AMOTL1: variants seen among roughly 807,000 people sequenced by gnomAD.
AMOTL1 encodes the protein angiomotin-like protein 1.
Under a neutral mutation model 102.9 loss-of-function variants are expected in AMOTL1, and 45 were observed. The ratio of observed to expected loss-of-function variants is 0.44; its 90% CI spans 0.34 to 0.56. AMOTL1 has a LOEUF of 0.56. Among genes scored for constraint, AMOTL1 ranks in the 20% least tolerant of loss-of-function variants. The pLI is 0.01. For synonymous variants in AMOTL1, 481 were observed against 484.7 expected (o/e 0.99, Z 0.10); for missense variants, 1,114 against 1,225.6 (o/e 0.91, Z 1.36).
intron 4 of AMOTL1, among the ~76,000 whole-genome samples, chr11:94,823,261 C>G (rs1951900817): frequency 6.6e-6 from 1 of 152,176 alleles, no homozygotes. Flanking sequence ...GTCTGGAGCT[C>G]CCTGGAGTCA....
chr11:94,730,729 C>T (rs1950335917), intron 2 of AMOTL1, among the ~76,000 whole-genome samples: 1 of 152,184 alleles, frequency 6.6e-6, no homozygotes, highest in Non-Finnish European at 1.5e-5. Flanking sequence ...AATATCTCTG[C>T]CTTCATTGAA....
chr11:94,864,756 C>T lies in AMOTL1; in HGVS notation c.2157C>T (p.His719=). The T allele has an allele frequency of 1.2e-6, 2 of 1,613,774 alleles. No homozygotes were observed. The highest frequency in any genetic ancestry group is 2.2e-5 in the East Asian group (1 of 44,882). The change falls in exon 10 of 13, where the codon CAC becomes CAT. Residue 719 remains histidine, a synonymous_variant. Coordinates refer to ENST00000433060, the MANE Select transcript of AMOTL1 (RefSeq NM_130847.3). ...CCAGGGACACCACGATCATCAACCA[C>T]TCACGGAATGGCAGCTACGGAGAGA... ...AAERDTTIIN[H]SRNGSYGESS...
chr11:94,794,927 A>G, intron 1 of AMOTL1, 84 bp from the exon 2 acceptor site: 1 of 1,422,598 alleles, frequency 7.0e-7, no homozygotes, highest in Non-Finnish European at 9.4e-7. Flanking sequence ...CTGTGGGAGA[A>G]TGCCTGGTGG....
chr11:94,746,961 A>G (rs1046875324), intron 3 of AMOTL1, among the ~76,000 whole-genome samples: 18 of 151,978 alleles, frequency 1.2e-4, no homozygotes, highest in African/African-American at 4.3e-4. Context: ...GAGACACTTT[A>G]TCTTTTCAGT....
At chr11:94,744,882 A>G (rs1950572243) in intron 3 of AMOTL1, among the ~76,000 whole-genome samples, 1 of 152,196 alleles carries the variant, frequency 6.6e-6, no homozygotes, top group Non-Finnish European at 1.5e-5. Context: ...GTTAGCTATT[A>G]TATCTATGAT....
At chr11:94,802,699 G>T (rs148924042) in intron 3 of AMOTL1, among the ~76,000 whole-genome samples, 70 of 152,336 alleles carry the variant, frequency 4.6e-4, no homozygotes, top group African/African-American at 1.6e-3. Context: ...GGGTCCCAGA[G>T]CCACAAGGCC....
intron 2 of AMOTL1, among the ~76,000 whole-genome samples, chr11:94,796,145 A>G (rs1951360949): frequency 6.6e-6 from 1 of 152,206 alleles, no homozygotes; most frequent in East Asian, 1.9e-4. Context: ...TTTATATCTC[A>G]GTTACAATAT....
chr11:94,865,325 T>C (rs1952858418), intron 10 of AMOTL1, among the ~76,000 whole-genome samples: 1 of 152,134 alleles, frequency 6.6e-6, no homozygotes, highest in Admixed American at 6.5e-5. Context: ...TTTGACATAA[T>C]AAAACTAGCC....
At chr11:94,775,281 C>T (rs1033481825) in intron 1 of AMOTL1, among the ~76,000 whole-genome samples, 2 of 152,132 alleles carry the variant, frequency 1.3e-5, no homozygotes, top group African/African-American at 2.4e-5. Flanking sequence ...TGGACATACT[C>T]AGGGACATCA....
intron 3 of AMOTL1, among the ~76,000 whole-genome samples, chr11:94,746,016 A>G (rs1950585760): frequency 6.6e-6 from 1 of 152,178 alleles, no homozygotes; most frequent in Admixed American, 6.5e-5. Flanking sequence ...TTGCCTCATG[A>G]TTGATAGTCC....
At chr11:94,795,843 A>T (rs755899210) in intron 2 of AMOTL1, among the ~76,000 whole-genome samples, 308 of 152,338 alleles carry the variant, frequency 2.0e-3, no homozygotes, top group Middle Eastern at 3.4e-3. Context: ...AAAATGTTTT[A>T]AAATTTTTTT....
chr11:94,826,981 A>C (rs1333954643), intron 4 of AMOTL1, among the ~76,000 whole-genome samples: 1 of 152,190 alleles, frequency 6.6e-6, no homozygotes, highest in East Asian at 1.9e-4. Flanking sequence ...AGGGATCCTG[A>C]AGTTTCCTTT....
Position 94,821,521 on chromosome 11 carries a change from G to T in AMOTL1, c.1122-9G>T, listed in dbSNP as rs781360055. On this transcript the variant is annotated splice_polypyrimidine_tract_variant and intron_variant, in intron 3 of 12. Transcript: ENST00000433060. ...CAGGCTCTAACTGCTGCCTTCCATT[G>T]CCTTGCAGCCGCCCATGCCAACTTC... 4 of 1,610,432 alleles carry T rather than the reference G, an allele frequency of 2.5e-6. No homozygotes were observed. In the African/African-American group the frequency reaches 5.3e-5, roughly 22 times the overall value.
intron 3 of AMOTL1, among the ~76,000 whole-genome samples, chr11:94,746,107 A>C (rs1230017275): frequency 2.0e-5 from 3 of 152,212 alleles, no homozygotes; most frequent in African/African-American, 7.2e-5. Context: ...GTGTTGCAGC[A>C]AGATCATATA....
At chr11:94,722,385 A>G (rs1950187858) in intron 1 of AMOTL1, among the ~76,000 whole-genome samples, 1 of 152,136 alleles carries the variant, frequency 6.6e-6, no homozygotes, top group African/African-American at 2.4e-5. Context: ...TCACATGCTA[A>G]TAGTGATAAT....
intron 1 of AMOTL1, among the ~76,000 whole-genome samples, chr11:94,772,857 T>C (rs967730467): frequency 1.3e-5 from 2 of 152,254 alleles, no homozygotes; most frequent in Non-Finnish European, 2.9e-5. Context: ...GCAACCTCAC[T>C]AGCATTTGAT....
chr11:94,813,012 A>G (rs1235383069), intron 3 of AMOTL1, among the ~76,000 whole-genome samples: 1 of 152,226 alleles, frequency 6.6e-6, no homozygotes, highest in East Asian at 1.9e-4. Flanking sequence ...ACTTGTAGCC[A>G]TCCATAGCGA....
chr11:94,863,121 A>G (rs1952805855), intron 9 of AMOTL1, among the ~76,000 whole-genome samples: 1 of 152,118 alleles, frequency 6.6e-6, no homozygotes, highest in South Asian at 2.1e-4. Context: ...TTCTTCATCT[A>G]GAAATTGAGG....
Position 94,859,529 on chromosome 11 carries a change from A to T in AMOTL1, c.1949A>T (p.His650Leu), listed in dbSNP as rs773177664. The T allele has an allele frequency of 1.2e-6, 2 of 1,611,334 alleles. No homozygotes were observed. The stretch of plus-strand genomic sequence containing the variant: ...ATTTTTTTTCTACTCCTTCAGAAAC[A>T]TGGAAATGGCCAGCCAGCCAACATG... ...ELDALRTQQK[H>L]GNGQPANMPE... Residue 650 changes from histidine to leucine, a missense_variant, in exon 9 of 13, where the codon CAT (histidine) becomes CTT (leucine). Physicochemically the swap from His to Leu is moderately conservative, Grantham distance 99. Transcript: ENST00000433060.
Sources: gnomAD v4.1 joint callset for allele counts (sites outside exome capture counted in the v4.1 genomes callset) on GRCh38, gnomAD v4.1.1 for gene constraint, MANE v1.5 for transcripts, NCBI Gene and HGNC (gene_info 2026-07-23, HGNC 2026-07-21) for gene names.